CSMD1: variants seen among roughly 807,000 people sequenced by gnomAD.
CSMD1 encodes the protein CUB and sushi domain-containing protein 1.
CSMD1 carries 213 observed loss-of-function variants against 417.5 expected under a neutral mutation model. That is an observed-to-expected ratio of 0.51 (90% CI 0.46 to 0.57). The LOEUF (loss-of-function observed/expected upper bound fraction) is 0.57. Among genes scored for constraint, CSMD1 ranks in the 20% least tolerant of loss-of-function variants. The pLI is 0.00. For missense variants in CSMD1, 6,923 were observed against 4,529.7 expected, an observed-to-expected ratio of 1.53 and a Z score of -15.17; for synonymous variants, 2,862 against 1,736.8, an observed-to-expected ratio of 1.65 and a Z score of -16.11.
At chr8:4,356,271 C>T (rs1005458752) in intron 3 of CSMD1, among the ~76,000 whole-genome samples, 1 of 152,046 alleles carries the variant, frequency 6.6e-6, no homozygotes, top group South Asian at 2.1e-4. Flanking sequence ...CCGGTCACTG[C>T]AAATGCTGTT....
chr8:4,139,495 A>C (rs1254136102), intron 3 of CSMD1, among the ~76,000 whole-genome samples: 2 of 144,812 alleles, frequency 1.4e-5, no homozygotes, highest in African/African-American at 2.9e-5. Context: ...GCGTGGATGA[A>C]TGGTCTGCAT....
intron 37 of CSMD1, among the ~76,000 whole-genome samples, 173 bp downstream of exon 37, chr8:3,180,937 A>C (rs2129047464): frequency 6.6e-6 from 1 of 152,252 alleles, no homozygotes; most frequent in South Asian, 2.1e-4. Context: ...AGTCACCGCA[A>C]CTGGCTTATG....
chr8:3,485,904 G>T (rs184498495), intron 11 of CSMD1, among the ~76,000 whole-genome samples: 2 of 152,200 alleles, frequency 1.3e-5, no homozygotes, highest in South Asian at 2.1e-4. Flanking sequence ...TTTTACTGTA[G>T]ATTTGCAAAA....
At chr8:4,448,297 A>C (rs138479243) in intron 2 of CSMD1, among the ~76,000 whole-genome samples, 3 of 152,216 alleles carry the variant, frequency 2.0e-5, no homozygotes, top group Non-Finnish European at 2.9e-5. Flanking sequence ...AAAAAAGGGT[A>C]CATTTTGTTT....
At chr8:3,107,087 T>C (rs1445931858) in intron 45 of CSMD1, 2 of 156,840 alleles carry the variant, frequency 1.3e-5, no homozygotes, top group Non-Finnish European at 2.8e-5. Flanking sequence ...GGTCACGTAG[T>C]TTGACCAGTG....
intron 25 of CSMD1, among the ~76,000 whole-genome samples, chr8:3,306,263 T>G (rs1447017390): frequency 1.3e-5 from 2 of 152,186 alleles, no homozygotes; most frequent in Admixed American, 6.5e-5. Context: ...TTTATAAATA[T>G]TTTTCATCCT....
chr8:4,342,896 G>A (rs944118583), intron 3 of CSMD1, among the ~76,000 whole-genome samples: 3 of 152,028 alleles, frequency 2.0e-5, no homozygotes, highest in Non-Finnish European at 4.4e-5. Flanking sequence ...AGAAGCAAAG[G>A]ACTTATGTTT....
chr8:3,726,821 T>A (rs1368286553), intron 6 of CSMD1, among the ~76,000 whole-genome samples: 1 of 152,206 alleles, frequency 6.6e-6, no homozygotes, highest in Non-Finnish European at 1.5e-5. Context: ...AATGTTTTAA[T>A]AATCAGTTTG....
chr8:4,061,261 G>T (rs563070844), intron 3 of CSMD1, among the ~76,000 whole-genome samples: 1 of 152,102 alleles, frequency 6.6e-6, no homozygotes, highest in Non-Finnish European at 1.5e-5. Context: ...TTAGACACAG[G>T]CATGGAATAT....
At chr8:3,860,541 G>C (rs1033461804) in intron 5 of CSMD1, among the ~76,000 whole-genome samples, 3 of 151,992 alleles carry the variant, frequency 2.0e-5, no homozygotes, top group African/African-American at 7.3e-5. Flanking sequence ...TGGTGGCCTG[G>C]ATTTACCAAT....
In CSMD1 at chr8:4,534,069, G is replaced by A. The variant is rs530300808; in HGVS notation, c.302+103273C>T. 8.2e-4 allele frequency among the ~76,000 whole-genome samples: 125 copies of A among 152,142 alleles called. 1 individual carries two copies. Among genetic ancestry groups the A allele is most frequent in the African/African-American group, 2.9e-3 (122 of 41,522 alleles). On this transcript the variant is annotated intron_variant, in intron 2 of 69. Transcript: ENST00000635120. ...GATATTGTAATTCAGGCATATGTAA[G>A]GACACAATTATCTCAACAGATTATG... is the stretch of plus-strand genomic sequence containing the variant.
Position 4,422,275 on chromosome 8 carries a change from T to C in CSMD1, c.303-2210A>G, listed in dbSNP as rs558488622. 3.9e-5 allele frequency among the ~76,000 whole-genome samples: 6 copies of C among 152,230 alleles called. No homozygotes were observed. In the South Asian group the frequency reaches 8.3e-4, roughly 21 times the overall value. ...AAAGTGTAAGTGGATAGAATGCTTT[T>C]GTAGTAATTTTGTGGCATTGACACT... On this transcript the variant is annotated intron_variant, in intron 2 of 69. Coordinates refer to ENST00000635120, the MANE Select transcript of CSMD1 (RefSeq NM_033225.6).
chr8:4,110,761 T>C (rs1275673092), intron 3 of CSMD1, among the ~76,000 whole-genome samples: 1 of 152,136 alleles, frequency 6.6e-6, no homozygotes, highest in Non-Finnish European at 1.5e-5. Context: ...TGAACTCAGA[T>C]TACAGACATT....
At chr8:4,603,086 G>A (rs1306391879) in intron 2 of CSMD1, among the ~76,000 whole-genome samples, 1 of 151,426 alleles carries the variant, frequency 6.6e-6, no homozygotes, top group Admixed American at 6.6e-5. Flanking sequence ...ATCTAATAAG[G>A]GAATAAAAAT....
At chr8:3,662,130 T>C (rs141701644) in intron 7 of CSMD1, among the ~76,000 whole-genome samples, 2 of 152,270 alleles carry the variant, frequency 1.3e-5, no homozygotes, top group African/African-American at 4.8e-5. Flanking sequence ...GGATGTTTTA[T>C]CTTCACAAAA....
At chr8:3,128,949 C>G (rs1472758839) in intron 41 of CSMD1, 4 of 424,068 alleles carry the variant, frequency 9.4e-6, no homozygotes, top group Non-Finnish European at 1.8e-5. Flanking sequence ...TCTCACAAAT[C>G]CTTTAAAAGC....
chr8:4,008,180 G>C (rs903491659), intron 4 of CSMD1, among the ~76,000 whole-genome samples: 1 of 152,124 alleles, frequency 6.6e-6, no homozygotes, highest in African/African-American at 2.4e-5. Context: ...ACAAATATGA[G>C]CAAGCTACAG....
chr8:3,556,552 C>CACACACCCTCT (rs1554468421), intron 10 of CSMD1, among the ~76,000 whole-genome samples: 1 of 139,738 alleles, frequency 7.2e-6, no homozygotes, highest in African/African-American at 2.7e-5. Flanking sequence ...ACACACACAC[C>CACACACCCTCT]CTCTCTCTCT....
intron 1 of CSMD1, among the ~76,000 whole-genome samples, chr8:4,964,501 CCAAAA>C (rs1237339945): frequency 1.0e-3 from 82 of 81,038 alleles, no homozygotes; most frequent in Non-Finnish European, 1.5e-3. Flanking sequence ...GACCCTGTCT[CCAAAA>C]AAAAAAAAAA....
Sources: allele counts gnomAD v4.1 joint callset (sites outside exome capture counted in the v4.1 genomes callset), GRCh38; gene constraint gnomAD v4.1.1; transcripts MANE v1.5; gene names NCBI Gene and HGNC (gene_info 2026-07-23, HGNC 2026-07-21).